FAM81B: variants seen among roughly 807,000 people sequenced by gnomAD.
The protein encoded by FAM81B is family with sequence similarity 81 member B.
Under a neutral mutation model 58.7 loss-of-function variants are expected in FAM81B, and 60 were observed. That is an observed-to-expected ratio of 1.02 (90% CI 0.83 to 1.27). FAM81B has a LOEUF of 1.27. FAM81B is among the 50% of genes most tolerant of loss of function. FAM81B has a pLI of 0.00. For synonymous variants in FAM81B, 189 were observed against 179.6 expected, an observed-to-expected ratio of 1.05 and a Z score of -0.42; for missense variants, 491 against 522.0, an observed-to-expected ratio of 0.94 and a Z score of 0.58.
At chr5:95,426,114 ATATATATATG>A (rs1262722851) in intron 5 of FAM81B, among the ~76,000 whole-genome samples, 201 of 135,074 alleles carry the variant, frequency 1.5e-3, no homozygotes, top group Middle Eastern at 4.1e-3. Flanking sequence ...ATATATATAT[ATATATATATG>A]TACACATATA....
At chr5:95,407,451 C>G (rs1222253090) in intron 3 of FAM81B, among the ~76,000 whole-genome samples, 2 of 150,314 alleles carry the variant, frequency 1.3e-5, no homozygotes, top group Non-Finnish European at 3.0e-5. Context: ...CACACGCACA[C>G]CTGCCAGCTC....
intron 4 of FAM81B, among the ~76,000 whole-genome samples, chr5:95,414,689 T>C (rs1762492263): frequency 6.6e-6 from 1 of 152,184 alleles, no homozygotes; most frequent in Admixed American, 6.5e-5. Context: ...GTCTTTGCAC[T>C]CATAATTCAC....
intron 3 of FAM81B, among the ~76,000 whole-genome samples, chr5:95,402,043 T>C (rs1403107933): frequency 6.6e-6 from 1 of 152,230 alleles, no homozygotes; most frequent in East Asian, 1.9e-4. Context: ...TCCAGTTATT[T>C]CTTTCCTTTC....
chr5:95,449,062 A>G (rs1254483642), intron 9 of FAM81B, among the ~76,000 whole-genome samples: 1 of 152,244 alleles, frequency 6.6e-6, no homozygotes, highest in African/African-American at 2.4e-5. Context: ...TGGTGCAGCC[A>G]TCTGCCTTGA....
rs552330341 is a variant in FAM81B at position 95,396,138 on chromosome 5, A to G, written c.256A>G (p.Thr86Ala). 8.1e-6 allele frequency: 13 copies of G among 1,609,190 alleles called. No individual in the cohort carries two copies. The Admixed American group carries it at 1.4e-4, about 17-fold the overall frequency. The change falls in exon 3 of 10, where the codon ACC becomes GCC. Residue 86 changes from threonine (T) to alanine (A), a missense_variant. Thr to Ala is a moderately conservative substitution (Grantham distance 58). Transcript: ENST00000283357. ...AAGATTATCTCCAGCCAAAATGTCAACCAAGAATTCTACAGATCTAGTTGA... is the reference window on the plus strand; with the variant it reads ...AAGATTATCTCCAGCCAAAATGTCAGCCAAGAATTCTACAGATCTAGTTGA... ...KVRLSPAKMS[T>A]KNSTDLVEYV...
At chr5:95,419,743 G>T (rs1435423340) in intron 4 of FAM81B, among the ~76,000 whole-genome samples, 1 of 152,130 alleles carries the variant, frequency 6.6e-6, no homozygotes, top group Non-Finnish European at 1.5e-5. Context: ...TTTTCATTGT[G>T]TATGAATCAG....
chr5:95,440,682 G>C, intron 7 of FAM81B: 3 of 818,168 alleles, frequency 3.7e-6, no homozygotes, highest in Non-Finnish European at 1.8e-6. Context: ...GGGAAAAGTT[G>C]GAAGATGAAC....
chr5:95,408,246 A>G (rs1200397290), intron 3 of FAM81B, among the ~76,000 whole-genome samples: 1 of 152,214 alleles, frequency 6.6e-6, no homozygotes, highest in Non-Finnish European at 1.5e-5. Context: ...GGGAAGGAGT[A>G]ATATATTAAG....
At chr5:95,433,225 G>T (rs1404564790) in intron 6 of FAM81B, among the ~76,000 whole-genome samples, 1 of 151,244 alleles carries the variant, frequency 6.6e-6, no homozygotes, top group Non-Finnish European at 1.5e-5. Context: ...GTTCCACATG[G>T]CTGGGGAGAC....
rs773641186 is a variant in FAM81B, at chr5:95,450,172, C to T, written c.1249C>T (p.Leu417Phe). The change falls in exon 10 of 10, where the codon CTC becomes TTC. Residue 417 changes from leucine to phenylalanine, a missense_variant. Transcript: ENST00000283357. ...QSGFKSIHDS[L>F]SSLQQIQKTK... ...AGGATTTAAATCAATTCATGACTCT[C>T]TCAGCTCCCTCCAACAAATACAGAA... is the stretch of plus-strand genomic sequence containing the variant. 4 of 1,612,922 alleles carry T rather than the reference C, an allele frequency of 2.5e-6. No homozygotes were observed. The South Asian group carries it at 4.4e-5, about 18-fold the overall frequency.
intron 2 of FAM81B, among the ~76,000 whole-genome samples, chr5:95,393,381 C>G (rs888854875): frequency 5.3e-5 from 8 of 152,180 alleles, no homozygotes; most frequent in African/African-American, 1.9e-4. Flanking sequence ...TTACATAAAG[C>G]ACTAGCACAA....
intron 5 of FAM81B, among the ~76,000 whole-genome samples, chr5:95,422,513 C>T (rs534837510): frequency 3.4e-4 from 51 of 152,026 alleles, no homozygotes; most frequent in Middle Eastern, 6.8e-3. Flanking sequence ...GACAGAGTCT[C>T]GCTCTGTCAC....
chr5:95,448,939 C>T, intron 9 of FAM81B: 1 of 257,898 alleles, frequency 3.9e-6, no homozygotes, highest in Non-Finnish European at 7.7e-6. Context: ...ATAATGACTG[C>T]TTTTATTTTG....
intron 9 of FAM81B, 43 bp from the exon 10 acceptor site, chr5:95,450,106 T>G: frequency 6.4e-7 from 1 of 1,557,654 alleles, no homozygotes; most frequent in Non-Finnish European, 8.6e-7. Context: ...AAAAAAGCTC[T>G]AATGCATTGT....
chr5:95,424,407 C>T (rs1762768976), intron 5 of FAM81B, among the ~76,000 whole-genome samples: 1 of 149,870 alleles, frequency 6.7e-6, no homozygotes. Context: ...GCCAAAAGTT[C>T]TCCCGGTTTC....
chr5:95,433,291 G>A (rs1234143048), intron 6 of FAM81B, among the ~76,000 whole-genome samples: 1 of 152,096 alleles, frequency 6.6e-6, no homozygotes. Context: ...CATGGTGGCA[G>A]GCAAGAGAAG....
intron 8 of FAM81B, 114 bp downstream of exon 8, chr5:95,446,811 AC>A: frequency 7.2e-7 from 1 of 1,382,724 alleles, no homozygotes; most frequent in East Asian, 2.3e-5. Context: ...TGCTTCAGTA[AC>A]TTTTTTTTTT....
intron 3 of FAM81B, among the ~76,000 whole-genome samples, chr5:95,412,054 A>G (rs1762419039): frequency 6.6e-6 from 1 of 152,176 alleles, no homozygotes; most frequent in Admixed American, 6.5e-5. Flanking sequence ...TTACAGGGAT[A>G]CATTATGGGC....
intron 7 of FAM81B, among the ~76,000 whole-genome samples, chr5:95,443,503 A>C (rs1245854716): frequency 6.6e-6 from 1 of 152,206 alleles, no homozygotes; most frequent in African/African-American, 2.4e-5. Context: ...ACACCTATTG[A>C]AATAGAAGAT....
Sources: gnomAD v4.1 joint callset for allele counts (sites outside exome capture counted in the v4.1 genomes callset) on GRCh38, gnomAD v4.1.1 for gene constraint, MANE v1.5 for transcripts, NCBI Gene and HGNC (gene_info 2026-07-23, HGNC 2026-07-21) for gene names.